The following BBOX1 variants were observed in gnomAD, a reference collection of about 807,000 sequenced individuals.
The protein encoded by BBOX1 is gamma-butyrobetaine hydroxylase 1.
A neutral mutation model predicts 41.6 loss-of-function variants in BBOX1; 35 were observed. The ratio of observed to expected loss-of-function variants is 0.84; its 90% CI spans 0.64 to 1.11. The LOEUF is 1.11. Among genes scored for constraint, BBOX1 ranks in the 50% most tolerant of loss-of-function variants. BBOX1 has a pLI of 0.00. For missense variants in BBOX1, 458 were observed against 460.6 expected, an observed-to-expected ratio of 0.99 and a Z score of 0.05; for synonymous variants, 163 against 154.7, an observed-to-expected ratio of 1.05 and a Z score of -0.40.
chr11:27,080,321 G>A (rs537996939), intron 4 of BBOX1, among the ~76,000 whole-genome samples: 6 of 152,090 alleles, frequency 3.9e-5, no homozygotes, highest in African/African-American at 1.4e-4. Flanking sequence ...TCCTCTCTCT[G>A]TCACTACCAT....
intron 5 of BBOX1, among the ~76,000 whole-genome samples, chr11:27,097,088 T>G (rs1858465609): frequency 6.6e-6 from 1 of 152,000 alleles, no homozygotes; most frequent in Non-Finnish European, 1.5e-5. Flanking sequence ...AAATTCTCAT[T>G]GTCAATTTTG....
At chr11:27,094,885 GCAA>G (rs1270836713) in intron 5 of BBOX1, among the ~76,000 whole-genome samples, 2 of 151,926 alleles carry the variant, frequency 1.3e-5, no homozygotes, top group African/African-American at 4.8e-5. Flanking sequence ...AGAGATTACA[GCAA>G]CAACAACAGA....
At chr11:27,059,122 C>G (rs563378791) in intron 4 of BBOX1, among the ~76,000 whole-genome samples, 1 of 152,152 alleles carries the variant, frequency 6.6e-6, no homozygotes, top group Non-Finnish European at 1.5e-5. Flanking sequence ...GCTCCACTGC[C>G]CTGTGTGTAG....
chr11:27,089,661 A>C (rs1467612412), intron 4 of BBOX1, among the ~76,000 whole-genome samples: 1 of 151,980 alleles, frequency 6.6e-6, no homozygotes, highest in African/African-American at 2.4e-5. Context: ...ATGCCAAGTG[A>C]GTCTTTAACA....
chr11:27,059,865 C>G (rs531490028), intron 4 of BBOX1, among the ~76,000 whole-genome samples: 1 of 152,244 alleles, frequency 6.6e-6, no homozygotes, highest in Non-Finnish European at 1.5e-5. Flanking sequence ...TGCTTATAAC[C>G]CCATTATATC....
At chr11:27,083,657 C>A (rs1857931669) in intron 4 of BBOX1, among the ~76,000 whole-genome samples, 2 of 152,100 alleles carry the variant, frequency 1.3e-5, no homozygotes, top group Non-Finnish European at 2.9e-5. Flanking sequence ...TTGTTATACA[C>A]CCCATTTGTT....
intron 5 of BBOX1, among the ~76,000 whole-genome samples, chr11:27,109,926 T>C (rs1858996918): frequency 6.6e-6 from 1 of 152,032 alleles, no homozygotes; most frequent in African/African-American, 2.4e-5. Flanking sequence ...ATGGAGATTT[T>C]ATAAAAAGCA....
intron 7 of BBOX1, among the ~76,000 whole-genome samples, chr11:27,124,944 A>T (rs977574552): frequency 4.6e-5 from 7 of 152,232 alleles, no homozygotes; most frequent in African/African-American, 1.7e-4. Context: ...TAAAAACCTT[A>T]GTGCCCTCCC....
chr11:27,084,541 A>C (rs1857966000), intron 4 of BBOX1, among the ~76,000 whole-genome samples: 1 of 152,158 alleles, frequency 6.6e-6, no homozygotes, highest in Non-Finnish European at 1.5e-5. Context: ...AGGACAGGTC[A>C]GACTTTGTTT....
intron 2 of BBOX1, among the ~76,000 whole-genome samples, chr11:27,052,437 G>A (rs1856845041): frequency 6.6e-6 from 1 of 151,890 alleles, no homozygotes; most frequent in Non-Finnish European, 1.5e-5. Flanking sequence ...TATTTAAAAA[G>A]TCCCATTCAT....
At chr11:27,076,428 A>C (rs1857633277) in intron 4 of BBOX1, among the ~76,000 whole-genome samples, 1 of 152,184 alleles carries the variant, frequency 6.6e-6, no homozygotes, top group Non-Finnish European at 1.5e-5. Flanking sequence ...GTGATAGCTG[A>C]GGTAACACAC....
intron 4 of BBOX1, among the ~76,000 whole-genome samples, chr11:27,065,467 C>A (rs1244660803): frequency 6.6e-6 from 1 of 152,122 alleles, no homozygotes; most frequent in Admixed American, 6.5e-5. Context: ...CGTACCTATG[C>A]AAGATGGGGC....
At chr11:27,118,002 C>G (rs1272465986) in intron 6 of BBOX1, among the ~76,000 whole-genome samples, 2 of 151,940 alleles carry the variant, frequency 1.3e-5, no homozygotes, top group Non-Finnish European at 2.9e-5. Flanking sequence ...GAATTTCTAA[C>G]TATTATAATT....
intron 4 of BBOX1, among the ~76,000 whole-genome samples, chr11:27,069,256 C>T (rs906901422): frequency 1.3e-5 from 2 of 152,040 alleles, no homozygotes; most frequent in Non-Finnish European, 2.9e-5. Context: ...TGATTTCTTT[C>T]AGCAATGTTT....
intron 4 of BBOX1, among the ~76,000 whole-genome samples, chr11:27,067,156 T>C (rs1857313257): frequency 6.6e-6 from 1 of 152,286 alleles, no homozygotes; most frequent in East Asian, 1.9e-4. Context: ...TTGAAAGTGG[T>C]TGTAAGTAAT....
At chr11:27,115,429 CAT>C in intron 5 of BBOX1, 21 bp from the exon 6 acceptor site, 1 of 1,586,618 alleles carries the variant, frequency 6.3e-7, no homozygotes, top group East Asian at 2.3e-5. Context: ...CCTGTTTAAA[CAT>C]GTGTTTCTTG....
intron 5 of BBOX1, among the ~76,000 whole-genome samples, chr11:27,103,328 C>G (rs1858734793): frequency 6.6e-6 from 1 of 152,098 alleles, no homozygotes; most frequent in Non-Finnish European, 1.5e-5. Context: ...TTTTAGGGAA[C>G]AGCTTTAAAT....
chr11:27,092,514 A>G (rs552156437), intron 4 of BBOX1, among the ~76,000 whole-genome samples: 1 of 152,046 alleles, frequency 6.6e-6, no homozygotes, highest in African/African-American at 2.4e-5. Context: ...AAGCATTTTT[A>G]TGAGCATTTA....
At position 27,079,194 on chromosome 11, in the gene BBOX1, T is replaced by C. The variant is rs113245418; in HGVS notation, c.335-13974T>C. Among the ~76,000 whole-genome samples, 1,142 of 152,300 alleles carry C rather than the reference T, an allele frequency of 7.5e-3. 16 individuals carry two copies. Among genetic ancestry groups the C allele is most frequent in the African/African-American group, 0.026 (1,091 of 41,582 alleles). On this transcript the variant is annotated intron_variant, in intron 4 of 8. Transcript: ENST00000263182. ...TGGACAATTGCCATGAAAAAAACTTTAGTCTTACATTGGTTTGATTTCTAG... is the reference window on the plus strand; with the variant it reads ...TGGACAATTGCCATGAAAAAAACTTCAGTCTTACATTGGTTTGATTTCTAG...
Sources: gnomAD v4.1 joint callset for allele counts (sites outside exome capture counted in the v4.1 genomes callset) on GRCh38, gnomAD v4.1.1 for gene constraint, MANE v1.5 for transcripts, NCBI Gene and HGNC (gene_info 2026-07-23, HGNC 2026-07-21) for gene names.